Variants in DCAF6 observed in about 807,000 individuals in gnomAD.
DCAF6 encodes DDB1 and CUL4 associated factor 6.
A neutral mutation model predicts 125.1 loss-of-function variants in DCAF6; 54 were observed. That is an observed-to-expected ratio of 0.43 (90% CI 0.35 to 0.54). The LOEUF (loss-of-function observed/expected upper bound fraction) is 0.54, where lower values mean the gene tolerates loss of function less well. Among genes scored for constraint, DCAF6 ranks in the 20% least tolerant of loss-of-function variants. The pLI is 0.01. For missense variants in DCAF6, 934 were observed against 1,161.7 expected (o/e 0.80, Z 2.85); for synonymous variants, 371 against 390.4 (o/e 0.95, Z 0.58).
At chr1:167,940,682 A>G (rs1031200821) in intron 1 of DCAF6, among the ~76,000 whole-genome samples, 2 of 152,210 alleles carry the variant, frequency 1.3e-5, no homozygotes, top group African/African-American at 4.8e-5. Context: ...TTTTGTAAAG[A>G]TAAACATTGT....
intron 10 of DCAF6, among the ~76,000 whole-genome samples, chr1:168,011,557 A>G (rs1366977766): frequency 6.6e-6 from 1 of 152,222 alleles, no homozygotes; most frequent in African/African-American, 2.4e-5. Flanking sequence ...TTGCTGGAGA[A>G]GAACTCTGTT....
At chr1:168,072,435 C>T (rs910920164) in intron 21 of DCAF6, among the ~76,000 whole-genome samples, 2 of 150,170 alleles carry the variant, frequency 1.3e-5, no homozygotes, top group African/African-American at 2.4e-5. Context: ...TCCTCAAGTA[C>T]TTATCACTCT....
At chr1:167,936,235 C>A, upstream of DCAF6, 1 of 239,994 alleles carries the variant, frequency 4.2e-6, no homozygotes, top group Non-Finnish European at 8.3e-6. Context: ...CGGAAACCTC[C>A]TCCTTCTCCC....
At chr1:168,001,176 C>A (rs1393075367) in intron 7 of DCAF6, among the ~76,000 whole-genome samples, 1 of 151,990 alleles carries the variant, frequency 6.6e-6, no homozygotes. Context: ...GGCACATGCA[C>A]CAACTACTCA....
At position 167,941,843 on chromosome 1, in the gene DCAF6, G is replaced by A. The variant is rs186860593; in HGVS notation, c.97+4835G>A. ...AACTAGGGTCGAACACTTTTAAATA[G>A]ATATCTATTGTGGGATTGCTGACTT... On this transcript the variant is annotated intron_variant, in intron 1 of 21. Coordinates refer to ENST00000367840, the MANE Select transcript of DCAF6 (RefSeq NM_001198956.2). Among the ~76,000 whole-genome samples the A allele has an allele frequency of 5.9e-5, 9 of 152,268 alleles. No homozygotes were observed. In the South Asian group the frequency reaches 1.9e-3, roughly 32 times the overall value.
intron 7 of DCAF6, among the ~76,000 whole-genome samples, chr1:167,997,466 T>A (rs941154215): frequency 2.6e-5 from 4 of 151,794 alleles, no homozygotes; most frequent in Non-Finnish European, 5.9e-5. Context: ...TATTCTCAGT[T>A]GCCTTTAGCC....
At chr1:167,921,958 T>A in the DCAF6 span, among the ~76,000 whole-genome samples, 1 of 152,236 alleles carries the variant, frequency 6.6e-6, no homozygotes, top group Non-Finnish European at 1.5e-5. Flanking sequence ...TTATGTGGTT[T>A]CAACTAAAGT....
intron 21 of DCAF6, among the ~76,000 whole-genome samples, chr1:168,073,985 T>C (rs966007220): frequency 4.0e-5 from 6 of 149,116 alleles, no homozygotes; most frequent in Admixed American, 1.3e-4. Context: ...ATTTATAAAA[T>C]AAATGAACAA....
intron 1 of DCAF6, among the ~76,000 whole-genome samples, chr1:167,947,579 T>G (rs758821135): frequency 5.3e-5 from 8 of 152,216 alleles, no homozygotes; most frequent in Admixed American, 6.5e-5. Flanking sequence ...TTTCATTTGT[T>G]TCAAAAACAT....
At chr1:167,954,669 G>T (rs1419214985) in intron 2 of DCAF6, among the ~76,000 whole-genome samples, 4 of 151,214 alleles carry the variant, frequency 2.6e-5, no homozygotes, top group Admixed American at 2.6e-4. Context: ...AGCCAGGATG[G>T]TCTCGATCTC....
upstream of DCAF6, chr1:167,935,839 C>T (rs1182172640): frequency 1.9e-5 from 29 of 1,550,216 alleles, no homozygotes; most frequent in Non-Finnish European, 2.4e-5. Flanking sequence ...CGGCGGCCGA[C>T]ATCGCCGCCG....
chr1:167,873,424 C>T, the DCAF6 span, among the ~76,000 whole-genome samples: 6 of 152,124 alleles, frequency 3.9e-5, no homozygotes, highest in Non-Finnish European at 8.8e-5. Flanking sequence ...AATATTTCTC[C>T]AAAGTGTGAG....
At chr1:167,896,028 T>C in the DCAF6 span, among the ~76,000 whole-genome samples, 1 of 152,176 alleles carries the variant, frequency 6.6e-6, no homozygotes, top group African/African-American at 2.4e-5. Flanking sequence ...TAAGCTATGG[T>C]CAACCATCTA....
At chr1:167,906,281 T>C in the DCAF6 span, among the ~76,000 whole-genome samples, 1 of 151,784 alleles carries the variant, frequency 6.6e-6, no homozygotes, top group Non-Finnish European at 1.5e-5. Context: ...AAATGTTACA[T>C]ATTGGATAAC....
intron 12 of DCAF6, among the ~76,000 whole-genome samples, chr1:168,029,408 G>T (rs1686762716): frequency 1.3e-5 from 2 of 152,248 alleles, no homozygotes; most frequent in South Asian, 4.1e-4. Flanking sequence ...CAACTGATAC[G>T]TAAATGCCTA....
chr1:167,992,289 C>T lies in DCAF6; in HGVS notation c.689-937C>T, dbSNP rs1391566103. 4.5e-5 allele frequency among the ~76,000 whole-genome samples: 5 copies of T among 111,620 alleles called. No homozygotes were observed. The Admixed American group carries it at 4.5e-4, about 10-fold the overall frequency. The allele number at this position is 111,620 out of a possible 152,430, so 73.2% of individuals were successfully genotyped here. A position where few individuals can be genotyped will look rare whatever the true frequency, so the allele number is the denominator to read the frequency against. ...CACACACACACACACACACAAACAC[C>T]GAATGCACATTCATATATTCACATA... On this transcript the variant is annotated intron_variant, in intron 6 of 21. Coordinates refer to ENST00000367840, the MANE Select transcript of DCAF6 (RefSeq NM_001198956.2).
intron 20 of DCAF6, among the ~76,000 whole-genome samples, chr1:168,067,768 T>G (rs945553820): frequency 6.6e-6 from 1 of 152,190 alleles, no homozygotes; most frequent in African/African-American, 2.4e-5. Context: ...ATCCTTTTTT[T>G]CCTTTGCCAT....
the DCAF6 span, chr1:167,896,518 T>A: frequency 8.5e-7 from 1 of 1,175,512 alleles, no homozygotes; most frequent in African/African-American, 1.5e-5. Flanking sequence ...CCACCAGTAA[T>A]GAAGCTGTCG....
At chr1:167,919,857 A>T in the DCAF6 span, 7 of 580,960 alleles carry the variant, frequency 1.2e-5, no homozygotes, top group East Asian at 1.4e-4. Context: ...TGAATCTTTT[A>T]AAAAAATTAG....
Sources: gnomAD v4.1 joint callset for allele counts (sites outside exome capture counted in the v4.1 genomes callset) on GRCh38, gnomAD v4.1.1 for gene constraint, MANE v1.5 for transcripts, NCBI Gene and HGNC (gene_info 2026-07-23, HGNC 2026-07-21) for gene names.